RAD51B: variants seen among roughly 807,000 people sequenced by gnomAD.
RAD51B encodes RAD51 paralog B, also known as DNA repair protein RAD51 homolog 2.
RAD51B carries 38 observed loss-of-function variants against 42.2 expected under a neutral mutation model. That is an observed-to-expected ratio of 0.90 (90% CI 0.70 to 1.18). The LOEUF is 1.18. RAD51B is among the 50% of genes most tolerant of loss of function. The pLI, the probability that RAD51B is intolerant of heterozygous loss-of-function variation, is 0.00. For synonymous variants in RAD51B, 154 were observed against 145.2 expected (o/e 1.06, Z -0.43); for missense variants, 373 against 400.7 (o/e 0.93, Z 0.59).
intron 8 of RAD51B, among the ~76,000 whole-genome samples, chr14:68,300,301 G>T (rs999539200): frequency 6.6e-6 from 1 of 151,922 alleles, no homozygotes; most frequent in Non-Finnish European, 1.5e-5. Flanking sequence ...GGCCTCCCAG[G>T]CTCCAGTGAT....
chr14:68,247,270 G>A (rs2080519302), intron 7 of RAD51B, among the ~76,000 whole-genome samples: 1 of 151,444 alleles, frequency 6.6e-6, no homozygotes, highest in Non-Finnish European at 1.5e-5. Flanking sequence ...AAAAAAAAAT[G>A]TATGTAACTT....
chr14:67,941,809 A>T (rs1032331879), intron 7 of RAD51B, among the ~76,000 whole-genome samples: 3 of 152,266 alleles, frequency 2.0e-5, no homozygotes, highest in African/African-American at 4.8e-5. Context: ...GTGAGTTTGC[A>T]TATGGACAGT....
At chr14:68,435,509 T>G (rs909874282) in intron 9 of RAD51B, among the ~76,000 whole-genome samples, 44 of 151,372 alleles carry the variant, frequency 2.9e-4, no homozygotes, top group African/African-American at 8.5e-4. Context: ...TTTTTTTTTT[T>G]TGGGAGAACA....
chr14:68,005,492 A>G (rs1189963428), intron 7 of RAD51B, among the ~76,000 whole-genome samples: 1 of 152,152 alleles, frequency 6.6e-6, no homozygotes, highest in African/African-American at 2.4e-5. Context: ...TTATGCATGT[A>G]TTTAGCTTAG....
At chr14:68,380,081 CT>C (rs1341532784) in intron 8 of RAD51B, among the ~76,000 whole-genome samples, 3 of 152,182 alleles carry the variant, frequency 2.0e-5, no homozygotes, top group African/African-American at 7.2e-5. Context: ...AAATCCCAGG[CT>C]TTTATTTTGC....
At chr14:68,099,983 A>G (rs1001550236) in intron 7 of RAD51B, among the ~76,000 whole-genome samples, 2 of 152,178 alleles carry the variant, frequency 1.3e-5, no homozygotes, top group African/African-American at 4.8e-5. Flanking sequence ...AACACATTTT[A>G]TGAGAGGAGT....
intron 7 of RAD51B, among the ~76,000 whole-genome samples, chr14:68,240,999 C>T (rs965005924): frequency 4.6e-5 from 7 of 152,132 alleles, no homozygotes; most frequent in African/African-American, 1.4e-4. Context: ...GCTTGTTTAT[C>T]GTTTGTTAGC....
At chr14:68,248,652 T>C (rs1475714659) in intron 7 of RAD51B, among the ~76,000 whole-genome samples, 1 of 152,166 alleles carries the variant, frequency 6.6e-6, no homozygotes. Flanking sequence ...ATCTGAATAG[T>C]GAGGCATAAA....
At chr14:68,274,957 G>A (rs907375515) in intron 7 of RAD51B, among the ~76,000 whole-genome samples, 4 of 152,120 alleles carry the variant, frequency 2.6e-5, no homozygotes, top group Non-Finnish European at 5.9e-5. Flanking sequence ...CATGTCACAA[G>A]GCAATAATGT....
At chr14:67,905,875 T>C (rs1051319473) in intron 7 of RAD51B, among the ~76,000 whole-genome samples, 1 of 152,124 alleles carries the variant, frequency 6.6e-6, no homozygotes, top group African/African-American at 2.4e-5. Flanking sequence ...ATTTCCTCTC[T>C]TCCTGTCTGG....
At chr14:68,540,149 G>C in intron 10 of RAD51B, 4 of 994,522 alleles carry the variant, frequency 4.0e-6, no homozygotes, top group Non-Finnish European at 4.8e-6. Flanking sequence ...AGGACATGAG[G>C]GAATCCTACC....
At chr14:68,556,902 A>C (rs1223453070) in intron 10 of RAD51B, among the ~76,000 whole-genome samples, 1 of 152,090 alleles carries the variant, frequency 6.6e-6, no homozygotes, top group African/African-American at 2.4e-5. Flanking sequence ...TGAGTTTCTC[A>C]GTGTTCCCTG....
At chr14:68,558,302 C>A (rs753050244) in intron 10 of RAD51B, among the ~76,000 whole-genome samples, 2 of 152,266 alleles carry the variant, frequency 1.3e-5, no homozygotes, top group Non-Finnish European at 2.9e-5. Flanking sequence ...GGGCTCAGCA[C>A]CTGCAAGCCC....
At chr14:68,571,644 G>T (rs1169764696) in intron 10 of RAD51B, among the ~76,000 whole-genome samples, 3 of 152,204 alleles carry the variant, frequency 2.0e-5, no homozygotes, top group African/African-American at 7.2e-5. Context: ...CTAACTAACA[G>T]CCTTAATTCC....
At chr14:68,524,374 A>T (rs1287349726) in intron 10 of RAD51B, among the ~76,000 whole-genome samples, 1 of 152,216 alleles carries the variant, frequency 6.6e-6, no homozygotes. Flanking sequence ...ATGAAAGATA[A>T]ATCTATGGAC....
chr14:68,592,773 C>T (rs926687544), intron 10 of RAD51B, among the ~76,000 whole-genome samples: 2 of 152,238 alleles, frequency 1.3e-5, no homozygotes, highest in African/African-American at 4.8e-5. Flanking sequence ...GAAACTGAGG[C>T]ACAGAGCATT....
intron 10 of RAD51B, among the ~76,000 whole-genome samples, chr14:68,633,044 C>T (rs1892269551): frequency 2.6e-5 from 3 of 117,176 alleles, no homozygotes; most frequent in African/African-American, 1.0e-4. Context: ...GTCTTGAACA[C>T]ATGGGCTCAA....
At chr14:68,383,852 G>C (rs1332638753) in intron 8 of RAD51B, among the ~76,000 whole-genome samples, 1 of 152,122 alleles carries the variant, frequency 6.6e-6, no homozygotes, top group African/African-American at 2.4e-5. Flanking sequence ...GTAAGCTGTG[G>C]AGTCTTACAC....
At chr14:68,037,661 A>G (rs1477002477) in intron 7 of RAD51B, among the ~76,000 whole-genome samples, 1 of 152,218 alleles carries the variant, frequency 6.6e-6, no homozygotes, top group Non-Finnish European at 1.5e-5. Flanking sequence ...CCAATGTCTT[A>G]AATGTTGCAA....
Sources: allele counts gnomAD v4.1 joint callset (sites outside exome capture counted in the v4.1 genomes callset), GRCh38; gene constraint gnomAD v4.1.1; transcripts MANE v1.5; gene names NCBI Gene and HGNC (gene_info 2026-07-23, HGNC 2026-07-21).